The following SORCS2 variants were observed in gnomAD, a reference collection of about 807,000 sequenced individuals.
SORCS2 encodes the protein VPS10 domain-containing receptor SorCS2.
A neutral mutation model predicts 141.6 loss-of-function variants in SORCS2; 100 were observed. That is an observed-to-expected ratio of 0.71 (90% CI 0.60 to 0.83). SORCS2 has a LOEUF of 0.83. Among genes scored for constraint, SORCS2 ranks in the 40% least tolerant of loss-of-function variants. The probability of loss-of-function intolerance (pLI) is 0.00; values close to 1 mark genes in which losing one functional copy is unlikely to be tolerated. For synonymous variants in SORCS2, 789 were observed against 676.9 expected (o/e 1.17, Z -2.57); for missense variants, 1,646 against 1,560.2 (o/e 1.05, Z -0.93).
chr4:7,545,176 A>G (rs1427840020), intron 3 of SORCS2, among the ~76,000 whole-genome samples: 1 of 151,738 alleles, frequency 6.6e-6, no homozygotes, highest in Non-Finnish European at 1.5e-5. Flanking sequence ...TTTTCAGAAA[A>G]CAAGTCTCCT....
At position 7,728,439 on chromosome 4, in the gene SORCS2, G is replaced by A. The variant is rs1318994540; in HGVS notation, c.2959G>A (p.Val987Met). The change falls in exon 22 of 27, where the codon GTG becomes ATG. Residue 987 changes from valine to methionine, a missense_variant. Physicochemically the swap from Val to Met is conservative, Grantham distance 21 (BLOSUM62 1). Transcript: ENST00000507866. The part of the protein sequence containing the change: ...TPEWREDVGL[V>M]VTRLLSKETS... ...TGAGTGGAGGGAAGACGTGGGCCTG[G>A]TGGTCACCCGGCTGCTCTCCAAGGT... The A allele has an allele frequency of 1.2e-6, 2 of 1,613,104 alleles. No homozygotes were observed. Among genetic ancestry groups the A allele is most frequent in the African/African-American group, 1.3e-5 (1 of 74,926 alleles).
At position 7,531,552 on chromosome 4, in the gene SORCS2, T is replaced by G. The variant is rs770140560; in HGVS notation, c.571T>G (p.Tyr191Asp). The change falls in exon 3 of 27, where the codon TAC (tyrosine) becomes GAC (aspartate). Residue 191 changes from tyrosine (Y) to aspartate (D), a missense_variant. By Grantham distance (160) the Tyr-to-Asp change is radical. Transcript: ENST00000507866. ...LWRSSDFGTSYTKLTLQPGVT... is the reference protein window; with the variant it reads ...LWRSSDFGTSDTKLTLQPGVT... ...CAGGTCATCAGATTTCGGGACGTCC[T>G]ACACCAAGCTCACCCTCCAGCCTGG... The G allele has an allele frequency of 4.3e-6, 7 of 1,613,736 alleles. No homozygotes were observed. The highest frequency in any genetic ancestry group is 1.3e-5 in the African/African-American group (1 of 74,956).
intron 25 of SORCS2, among the ~76,000 whole-genome samples, chr4:7,736,532 G>A (rs942502428): frequency 6.6e-6 from 1 of 152,194 alleles, no homozygotes; most frequent in African/African-American, 2.4e-5. Flanking sequence ...GAAGGAGCCT[G>A]GCCCAGGGCG....
intron 3 of SORCS2, among the ~76,000 whole-genome samples, chr4:7,598,986 G>A (rs553868922): frequency 6.6e-6 from 1 of 152,188 alleles, no homozygotes; most frequent in Non-Finnish European, 1.5e-5. Flanking sequence ...CCTTGCAGGC[G>A]GCAGGGTTGA....
chr4:7,255,638 C>A (rs1423115713), intron 1 of SORCS2, among the ~76,000 whole-genome samples: 3 of 152,204 alleles, frequency 2.0e-5, no homozygotes, highest in African/African-American at 7.2e-5. Flanking sequence ...AGGCTTGGAT[C>A]AGAGGTCAGG....
At chr4:7,411,162 G>A (rs1015242077) in intron 2 of SORCS2, among the ~76,000 whole-genome samples, 1 of 151,730 alleles carries the variant, frequency 6.6e-6, no homozygotes, top group Non-Finnish European at 1.5e-5. Context: ...CACCATGTTG[G>A]CCAGGATGGT....
At chr4:7,289,241 C>G (rs549074557) in intron 1 of SORCS2, among the ~76,000 whole-genome samples, 1 of 152,228 alleles carries the variant, frequency 6.6e-6, no homozygotes, top group South Asian at 2.1e-4. Flanking sequence ...ATGGAGGTCT[C>G]TCTACCTGGA....
At chr4:7,570,056 G>A (rs1357449728) in intron 3 of SORCS2, among the ~76,000 whole-genome samples, 1 of 152,210 alleles carries the variant, frequency 6.6e-6, no homozygotes, top group Non-Finnish European at 1.5e-5. Flanking sequence ...GCAGCTGAGA[G>A]CAGGGCCCCC....
intron 3 of SORCS2, among the ~76,000 whole-genome samples, chr4:7,632,503 C>T (rs1003042734): frequency 2.0e-5 from 3 of 152,188 alleles, no homozygotes; most frequent in Non-Finnish European, 4.4e-5. Flanking sequence ...TCTTTCCTGG[C>T]TCACTCTCCC....
At chr4:7,697,155 G>A (rs778326450) in intron 11 of SORCS2, 43 bp from the exon 12 acceptor site, 59 of 1,515,532 alleles carry the variant, frequency 3.9e-5, no homozygotes, top group Non-Finnish European at 4.8e-5. Context: ...GGGTAAAGCT[G>A]GACGATCCTA....
intron 3 of SORCS2, among the ~76,000 whole-genome samples, chr4:7,595,765 G>A (rs1026213036): frequency 6.6e-6 from 1 of 152,144 alleles, no homozygotes; most frequent in African/African-American, 2.4e-5. Context: ...TCATCAACCT[G>A]GATGGGTAGG....
At chr4:7,379,355 G>A (rs1018648839) in intron 1 of SORCS2, among the ~76,000 whole-genome samples, 1 of 152,220 alleles carries the variant, frequency 6.6e-6, no homozygotes, top group African/African-American at 2.4e-5. Context: ...AACACAGCCT[G>A]CGAGGTTGCA....
intron 20 of SORCS2, among the ~76,000 whole-genome samples, chr4:7,726,025 C>T (rs1428080451): frequency 6.6e-6 from 1 of 152,268 alleles, no homozygotes; most frequent in Non-Finnish European, 1.5e-5. Flanking sequence ...CCTGGCAGAG[C>T]CTCTGCCTCC....
chr4:7,436,765 G>C (rs888051418), intron 2 of SORCS2, among the ~76,000 whole-genome samples: 6 of 152,192 alleles, frequency 3.9e-5, no homozygotes, highest in African/African-American at 9.7e-5. Flanking sequence ...GACCCTTGAT[G>C]GGCCTTTGGA....
At chr4:7,329,491 G>T (rs1249460136) in intron 1 of SORCS2, among the ~76,000 whole-genome samples, 1 of 152,204 alleles carries the variant, frequency 6.6e-6, no homozygotes, top group African/African-American at 2.4e-5. Context: ...GCTGGACGTG[G>T]CCCCTACCCT....
chr4:7,553,372 A>G (rs983760602), intron 3 of SORCS2, among the ~76,000 whole-genome samples: 2 of 152,252 alleles, frequency 1.3e-5, no homozygotes, highest in African/African-American at 4.8e-5. Flanking sequence ...AAAGATAAAA[A>G]TGGGCCATTA....
At position 7,741,674 on chromosome 4, in the gene SORCS2, T is replaced by A. The variant is rs1329568569; in HGVS notation, c.*1410T>A. 6.1e-6 allele frequency: 1 copy of A among 164,022 alleles called. No individual in the cohort carries two copies. Among genetic ancestry groups the A allele is most frequent in the Admixed American group, 6.5e-5 (1 of 15,410 alleles). The allele number at this position is 164,022 out of a possible 1,614,324, so 10.2% of individuals were successfully genotyped here. ...GAGCCCTGGATGGTGATGCGCTGGC[T>A]GGGGGTGAATCCCAATGAGGGTCCC... On this transcript the variant is annotated 3_prime_UTR_variant, in exon 27 of 27. Transcript: ENST00000507866.
chr4:7,679,514 G>T (rs563219559), intron 9 of SORCS2, among the ~76,000 whole-genome samples: 80 of 152,348 alleles, frequency 5.3e-4, no homozygotes, highest in Admixed American at 1.3e-3. Flanking sequence ...GCAATCACAA[G>T]TGTCCTTATC....
At chr4:7,279,414 C>G (rs111365072) in intron 1 of SORCS2, among the ~76,000 whole-genome samples, 9 of 152,208 alleles carry the variant, frequency 5.9e-5, no homozygotes, top group African/African-American at 1.9e-4. Flanking sequence ...CTCAGGAGAG[C>G]CTTCCTGAAC....
Sources: gnomAD v4.1 joint callset for allele counts (sites outside exome capture counted in the v4.1 genomes callset) on GRCh38, gnomAD v4.1.1 for gene constraint, MANE v1.5 for transcripts, NCBI Gene and HGNC (gene_info 2026-07-23, HGNC 2026-07-21) for gene names.